The following CYP46A1 variants were observed in gnomAD, a reference collection of about 807,000 sequenced individuals.
The protein encoded by CYP46A1 is cholesterol 24-hydroxylase.
Under a neutral mutation model 63.3 loss-of-function variants are expected in CYP46A1, and 20 were observed. The observed-to-expected ratio is 0.32, with a 90% CI of 0.22 to 0.46. The LOEUF (loss-of-function observed/expected upper bound fraction) is 0.46, where lower values mean the gene tolerates loss of function less well. Ranked by LOEUF, CYP46A1 falls within the 20% of genes least tolerant of loss-of-function variation. The pLI, the probability that CYP46A1 is intolerant of heterozygous loss-of-function variation, is 1.00. For synonymous variants in CYP46A1, 268 were observed against 273.6 expected, an observed-to-expected ratio of 0.98 and a Z score of 0.20; for missense variants, 445 against 670.8, an observed-to-expected ratio of 0.66 and a Z score of 3.72.
chr14:99,706,210 A>G (rs2056674326), intron 5 of CYP46A1: 1 of 162,262 alleles, frequency 6.2e-6, no homozygotes, highest in Admixed American at 5.9e-5. Context: ...CAGGCAGTGA[A>G]GTGGGAAAAC....
intron 2 of CYP46A1, chr14:99,691,522 G>A (rs554883706): frequency 3.5e-6 from 2 of 575,262 alleles, no homozygotes; most frequent in African/African-American, 3.7e-5. Flanking sequence ...CAACCTTTTG[G>A]GACAATCAAA....
chr14:99,720,459 C>CTT (rs34168201), intron 10 of CYP46A1, among the ~76,000 whole-genome samples: 4,313 of 127,296 alleles, frequency 0.034, 235 homozygotes, highest in African/African-American at 0.1. Flanking sequence ...CAGATCCACT[C>CTT]TTTTTTTTTT....
Position 99,726,243 on chromosome 14 carries a change from A to G in CYP46A1, c.1319A>G (p.Gln440Arg). The stretch of plus-strand genomic sequence containing the variant: ...CTGGGCCACCGCTCCTGCATCGGGC[A>G]GCAGTTTGCTCAGGTAGGAGGGGCA... The part of the protein sequence containing the change: ...FSLGHRSCIG[Q>R]QFAQMEVKVV... The change falls in exon 14 of 15, where the codon CAG (glutamine) becomes CGG (arginine). Residue 440 changes from glutamine (Q) to arginine (R), a missense_variant. Physicochemically the swap from Gln to Arg is conservative, Grantham distance 43 (BLOSUM62 1). Transcript: ENST00000261835. 1 of 1,613,524 alleles carries G rather than the reference A, an allele frequency of 6.2e-7. No homozygotes were observed. The highest frequency in any genetic ancestry group is 8.5e-7 in the Non-Finnish European group (1 of 1,179,884).
chr14:99,691,772 G>C lies in CYP46A1; in HGVS notation c.201-8G>C. On this transcript the variant is annotated splice_region_variant and splice_polypyrimidine_tract_variant and intron_variant, in intron 2 of 14. Coordinates refer to ENST00000261835, the MANE Select transcript of CYP46A1 (RefSeq NM_006668.2). ...TGACAGTTTCCTTCGGGTCACTTTG[G>C]TTTCCAGGGCTAAGAAGTATGGACC... is the stretch of plus-strand genomic sequence containing the variant. The C allele has an allele frequency of 1.9e-6, 3 of 1,614,194 alleles. No homozygotes were observed. The highest frequency in any genetic ancestry group is 1.1e-5 in the South Asian group (1 of 91,090).
Position 99,721,891 on chromosome 14 carries a change from G to A in CYP46A1, c.1066-65G>A, listed in dbSNP as rs764949298. On this transcript the variant is annotated intron_variant, in intron 11 of 14. Coordinates refer to ENST00000261835, the MANE Select transcript of CYP46A1 (RefSeq NM_006668.2). Reference sequence around the variant, plus strand: ...GAAAGACAGGGGTCCCAGGCATGCCGCCGGCCGGCATGATCTGTGGCCTCT... The same window carrying A: ...GAAAGACAGGGGTCCCAGGCATGCCACCGGCCGGCATGATCTGTGGCCTCT... 441 of 1,386,182 alleles carry A rather than the reference G, an allele frequency of 3.2e-4. 1 individual carries two copies. Among genetic ancestry groups the A allele is most frequent in the Middle Eastern group, 1.3e-3 (7 of 5,550 alleles). The allele number at this position is 1,386,182 out of a possible 1,614,324, so 85.9% of individuals were successfully genotyped here. A position where few individuals can be genotyped will look rare whatever the true frequency, so the allele number is the denominator to read the frequency against.
chr14:99,689,256 C>T (rs866804214), intron 1 of CYP46A1, among the ~76,000 whole-genome samples: 1 of 152,284 alleles, frequency 6.6e-6, no homozygotes, highest in African/African-American at 2.4e-5. Flanking sequence ...GATTGGTCCC[C>T]CCAAAGCTGA....
intron 7 of CYP46A1, among the ~76,000 whole-genome samples, chr14:99,714,594 A>G (rs984464210): frequency 6.6e-6 from 1 of 152,002 alleles, no homozygotes. Context: ...CCCCATCTCT[A>G]CTAAAAATAC....
intron 3 of CYP46A1, 143 bp from the exon 4 acceptor site, chr14:99,699,323 G>A (rs112702895): frequency 1.0e-5 from 8 of 780,224 alleles, no homozygotes; most frequent in South Asian, 3.0e-5. Context: ...AGATAGGGAC[G>A]ATTGTGTGGG....
chr14:99,710,853 C>T (rs1349581990), intron 7 of CYP46A1: 1 of 152,178 alleles, frequency 6.6e-6, no homozygotes, highest in Non-Finnish European at 1.5e-5. Flanking sequence ...CATCTAATAG[C>T]TGCAGAACAT....
At chr14:99,714,794 T>C (rs1243225257) in intron 7 of CYP46A1, among the ~76,000 whole-genome samples, 2 of 151,068 alleles carry the variant, frequency 1.3e-5, no homozygotes, top group African/African-American at 2.4e-5. Context: ...AAATTTGATG[T>C]ATATACACAT....
At chr14:99,695,661 G>A (rs909542760) in intron 3 of CYP46A1, among the ~76,000 whole-genome samples, 10 of 137,178 alleles carry the variant, frequency 7.3e-5, no homozygotes, top group Non-Finnish European at 1.1e-4. Context: ...AAGCAGTTTC[G>A]CTCTTGTTGC....
At chr14:99,720,315 C>T (rs78018341) in intron 10 of CYP46A1, among the ~76,000 whole-genome samples, 1,951 of 152,194 alleles carry the variant, frequency 0.013, 43 homozygotes, top group African/African-American at 0.043. Context: ...ATCACCATAC[C>T]GTTTTCCATA....
chr14:99,715,709 C>A, intron 7 of CYP46A1, 101 bp from the exon 8 acceptor site: 1 of 1,505,812 alleles, frequency 6.6e-7, no homozygotes, highest in Non-Finnish European at 9.1e-7. Flanking sequence ...ACTGACCTCC[C>A]AGCTTGCCAG....
intron 12 of CYP46A1, among the ~76,000 whole-genome samples, chr14:99,724,357 A>T (rs11847090): frequency 0.012 from 1,830 of 152,152 alleles, 35 homozygotes; most frequent in African/African-American, 0.042. Context: ...TGCCTCCTCC[A>T]GCATCCATCC....
chr14:99,724,497 G>A (rs1255702143), intron 12 of CYP46A1, among the ~76,000 whole-genome samples: 2 of 152,204 alleles, frequency 1.3e-5, no homozygotes, highest in Admixed American at 6.5e-5. Context: ...GAAGCCCTGT[G>A]GCTCACTCTC....
At chr14:99,715,075 G>C (rs2056775931) in intron 7 of CYP46A1, among the ~76,000 whole-genome samples, 1 of 152,176 alleles carries the variant, frequency 6.6e-6, no homozygotes, top group East Asian at 1.9e-4. Context: ...GTAAGTTTTA[G>C]TGTCAGTAGC....
rs144734162 is a variant in CYP46A1, at chr14:99,695,422, C to A, written c.282+3561C>A. 6.2e-3 allele frequency: 2,686 copies of A among 430,260 alleles called. 54 individuals carry two copies. Among genetic ancestry groups the A allele is most frequent in the African/African-American group, 0.049 (2,408 of 49,020 alleles). 26.7% of individuals were successfully genotyped at this position (430,260 alleles called of 1,614,324 possible). ...TTCATAATCATAGATTTATCTATTT[C>A]TACTTTCAGTTCCATTAGTTTGGCT... On this transcript the variant is annotated intron_variant, in intron 3 of 14. Transcript: ENST00000261835.
chr14:99,703,284 G>C (rs1449717895), intron 5 of CYP46A1, among the ~76,000 whole-genome samples: 2 of 152,188 alleles, frequency 1.3e-5, no homozygotes, highest in Admixed American at 6.5e-5. Context: ...GTGGAGAACT[G>C]TATAAACATC....
At position 99,725,505 on chromosome 14, in the gene CYP46A1, G is replaced by A. The variant is rs372762502; in HGVS notation, c.1265+26G>A. On this transcript the variant is annotated intron_variant, in intron 13 of 14. Coordinates refer to ENST00000261835, the MANE Select transcript of CYP46A1 (RefSeq NM_006668.2). This position sits in a 1 kb window ranked among gnomAD's most constrained non-coding sequence, Gnocchi z 4.2. ...GTAAGTCCCTCCTGGAGCTGCCCAT[G>A]AGTGGGGCTGGCGGGAGAAGGACAG... 6 of 1,571,302 alleles carry A rather than the reference G, an allele frequency of 3.8e-6. No individual in the cohort carries two copies. In the African/African-American group the frequency reaches 8.1e-5, roughly 21 times the overall value.
Sources: allele counts gnomAD v4.1 joint callset (sites outside exome capture counted in the v4.1 genomes callset), GRCh38; gene constraint gnomAD v4.1.1; non-coding constraint Gnocchi (gnomAD v3.1); transcripts MANE v1.5; gene names NCBI Gene and HGNC (gene_info 2026-07-23, HGNC 2026-07-21).